The following ELK4 variants were observed in gnomAD, a reference collection of about 807,000 sequenced individuals.
ELK4 encodes the protein ETS transcription factor ELK4.
ELK4 carries 16 observed loss-of-function variants against 29.6 expected under a neutral mutation model. The observed-to-expected ratio is 0.54, with a 90% CI of 0.37 to 0.82. The LOEUF (loss-of-function observed/expected upper bound fraction) is 0.82, where lower values mean the gene tolerates loss of function less well. Among genes scored for constraint, ELK4 ranks in the 40% least tolerant of loss-of-function variants. ELK4 has a pLI of 0.00. For missense variants in ELK4, 465 were observed against 507.1 expected (o/e 0.92, Z 0.80); for synonymous variants, 213 against 191.1 (o/e 1.11, Z -0.95).
intron 3 of ELK4, 178 bp from the exon 4 acceptor site, chr1:205,619,251 A>G: frequency 9.4e-7 from 1 of 1,069,096 alleles, no homozygotes; most frequent in Non-Finnish European, 1.2e-6. Context: ...AAGAGGGATA[A>G]AGGTGATAAT....
At chr1:205,626,001 C>T (rs1170634318) in intron 1 of ELK4, 6 of 1,394,674 alleles carry the variant, frequency 4.3e-6, no homozygotes, top group East Asian at 2.3e-5. Context: ...GATCCAGAAG[C>T]GAATTCATCT....
Position 205,620,803 on chromosome 1 carries a change from C to T in ELK4, c.243G>A (p.Val81=). Residue 81 remains valine, a synonymous_variant, in exon 3 of 5, where the codon GTG becomes GTA. Coordinates refer to ENST00000357992, the MANE Select transcript of ELK4 (RefSeq NM_001973.4). ...IIKKVNGQKF[V]YKFVSYPEIL... is the part of the protein sequence containing the mutation. ...TCTCTGGATAAGAGACAAACTTGTACACAAACTTCTGACCATTCACTTTTT... is the reference window on the plus strand; with the variant it reads ...TCTCTGGATAAGAGACAAACTTGTATACAAACTTCTGACCATTCACTTTTT... The T allele has an allele frequency of 6.2e-7, 1 of 1,612,848 alleles. No homozygotes were observed. Among genetic ancestry groups the T allele is most frequent in the Non-Finnish European group, 8.5e-7 (1 of 1,179,844 alleles).
intron 4 of ELK4, among the ~76,000 whole-genome samples, chr1:205,617,181 C>T (rs1262400113): frequency 2.0e-5 from 3 of 152,102 alleles, no homozygotes; most frequent in Non-Finnish European, 1.5e-5. Flanking sequence ...CAATTATCTG[C>T]TCATGTGTGG....
At chr1:205,630,038 C>G (rs993852647) in intron 1 of ELK4, among the ~76,000 whole-genome samples, 1 of 149,906 alleles carries the variant, frequency 6.7e-6, no homozygotes, top group Non-Finnish European at 1.5e-5. Context: ...TTGTCTCTAA[C>G]AAAAACAAAA....
chr1:205,614,845 G>C lies in ELK4; in HGVS notation c.*1701C>G, dbSNP rs1483386658. 1 of 227,290 alleles carries C rather than the reference G, an allele frequency of 4.4e-6. No homozygotes were observed. Among genetic ancestry groups the C allele is most frequent in the Non-Finnish European group, 8.7e-6 (1 of 114,384 alleles). 14.1% of individuals were successfully genotyped at this position (227,290 alleles called of 1,614,324 possible). On this transcript the variant is annotated 3_prime_UTR_variant, in exon 5 of 5. Coordinates refer to ENST00000357992, the MANE Select transcript of ELK4 (RefSeq NM_001973.4). ...AGTTTAACCGGTGGGAGAGATTGGT[G>C]GGGGAGGGTGGTAGTGGTGGTGAAT...
rs1371799503 is a variant in ELK4, at chr1:205,611,890, G to A, written c.*4656C>T. On this transcript the variant is annotated 3_prime_UTR_variant, in exon 5 of 5. Transcript: ENST00000357992. ...AAACAGAACAGACCTATAAAGAAAA[G>A]TATTCCTTTAGTTGCTGAAATATCA... 1.6e-5 allele frequency: 3 copies of A among 187,930 alleles called. No homozygotes were observed. 11.6% of individuals were successfully genotyped at this position (187,930 alleles called of 1,614,324 possible).
intron 1 of ELK4, among the ~76,000 whole-genome samples, 178 bp downstream of exon 1, chr1:205,631,454 C>CT: frequency 6.6e-6 from 1 of 151,420 alleles, no homozygotes; most frequent in East Asian, 1.9e-4. Context: ...CGGCGTCCAC[C>CT]TGTGCGCCGC....
chr1:205,613,268 G>A lies in ELK4; in HGVS notation c.*3278C>T, dbSNP rs750882203. The A allele has an allele frequency of 8.2e-5, 16 of 195,970 alleles. No homozygotes were observed. The highest frequency in any genetic ancestry group is 1.4e-4 in the Non-Finnish European group (13 of 94,450). The allele number at this position is 195,970 out of a possible 1,614,324, so 12.1% of individuals were successfully genotyped here. A position where few individuals can be genotyped will look rare whatever the true frequency, so the allele number is the denominator to read the frequency against. On this transcript the variant is annotated 3_prime_UTR_variant, in exon 5 of 5. Transcript: ENST00000357992. ...GAGGATCACTTGAGCCCGGGAGTTT[G>A]AGTCCACCCTGGGTAACACACCAAG... is the stretch of plus-strand genomic sequence containing the variant.
Position 205,614,485 on chromosome 1 carries a change from AAT to A in ELK4, c.*2059_*2060del. On this transcript the variant is annotated 3_prime_UTR_variant, in exon 5 of 5. Transcript: ENST00000357992. ...TAATTTAATATGGAAAAAAAAGTCC[AAT>A]ATGTCTGTTCCCCATCACTATTAAA... The A allele has an allele frequency of 4.4e-6, 1 of 228,528 alleles. No homozygotes were observed. The highest frequency in any genetic ancestry group is 2.2e-5 in the African/African-American group (1 of 45,192). 14.2% of individuals were successfully genotyped at this position (228,528 alleles called of 1,614,324 possible). A position where few individuals can be genotyped will look rare whatever the true frequency, so the allele number is the denominator to read the frequency against.
intron 2 of ELK4, among the ~76,000 whole-genome samples, chr1:205,622,390 G>A (rs1472195061): frequency 1.3e-5 from 2 of 152,204 alleles, no homozygotes; most frequent in Non-Finnish European, 2.9e-5. Context: ...ATATGTGTGT[G>A]TGTATATGTA....
At position 205,629,170 on chromosome 1, in the gene ELK4, C is replaced by CAAAAAAAAAA. The variant is rs61374496; in HGVS notation, c.-10+2452_-10+2461dup. On this transcript the variant is annotated intron_variant, in intron 1 of 4. Coordinates refer to ENST00000357992, the MANE Select transcript of ELK4 (RefSeq NM_001973.4). ...TGGGCAACAGAGCAAGACTACGTCT[C>CAAAAAAAAAA]AAAAAAAAAAAAAAAAAAGAAAAGA... Among the ~76,000 whole-genome samples the CAAAAAAAAAA allele has an allele frequency of 2.9e-3, 268 of 92,224 alleles. 9 individuals carry two copies. The highest frequency in any genetic ancestry group is 0.011 in the African/African-American group (244 of 21,942). 60.5% of individuals were successfully genotyped at this position (92,224 alleles called of 152,430 possible).
chr1:205,619,598 AT>A, intron 3 of ELK4: 7 of 1,232,888 alleles, frequency 5.7e-6, no homozygotes, highest in Non-Finnish European at 7.1e-6. Flanking sequence ...CATTTTTCTT[AT>A]GGTTCTCAGG....
chr1:205,620,870 T>C (rs1194055675), intron 2 of ELK4, 32 bp from the exon 3 acceptor site: 24 of 1,564,766 alleles, frequency 1.5e-5, no homozygotes, highest in African/African-American at 4.1e-5. Flanking sequence ...ATTTTTATCC[T>C]TTCTTATAAA....
At chr1:205,623,653 T>A in intron 2 of ELK4, 23 bp downstream of exon 2, 2 of 1,612,272 alleles carry the variant, frequency 1.2e-6, no homozygotes, top group East Asian at 4.5e-5. Context: ...CTCTGTATAG[T>A]ATAAGATCAG....
chr1:205,618,901 C>A, intron 4 of ELK4, 56 bp downstream of exon 4: 1 of 1,341,184 alleles, frequency 7.5e-7, no homozygotes, highest in African/African-American at 1.5e-5. Flanking sequence ...TGCCTTTTTG[C>A]CTCTTTCTTC....
At chr1:205,621,786 TGG>T (rs1670354550) in intron 2 of ELK4, among the ~76,000 whole-genome samples, 1 of 151,966 alleles carries the variant, frequency 6.6e-6, no homozygotes, top group African/African-American at 2.4e-5. Context: ...CCCAAAGTGT[TGG>T]GATTACAGGC....
Position 205,620,738 on chromosome 1 carries a change from C to A in ELK4, c.308G>T (p.Gly103Val), listed in dbSNP as rs1670324837. ...ACTGAAGTTTAAACTTTCACAGTCA[C>A]CCTCAATCCTGCCCACTGTCATTGG... ...MDPMTVGRIE[G>V]DCESLNFSEV... The change falls in exon 3 of 5, where the codon GGT becomes GTT. Residue 103 changes from glycine to valine, a missense_variant. Gly to Val is a moderately radical substitution (Grantham distance 109). Coordinates refer to ENST00000357992, the MANE Select transcript of ELK4 (RefSeq NM_001973.4). The A allele has an allele frequency of 6.2e-7, 1 of 1,613,970 alleles. No homozygotes were observed. The highest frequency in any genetic ancestry group is 1.1e-5 in the South Asian group (1 of 91,076).
rs1316861861 is a variant in ELK4, at chr1:205,609,752, AATCT to A, written c.*6790_*6793del. On this transcript the variant is annotated 3_prime_UTR_variant, in exon 5 of 5. Transcript: ENST00000357992. ...TTGGATACTTTATAAATTTAAGTGT[AATCT>A]ATCAATTGCAAATTATTTTTAAAAA... 1.4e-5 allele frequency: 3 copies of A among 208,836 alleles called. No homozygotes were observed. Among genetic ancestry groups the A allele is most frequent in the Non-Finnish European group, 2.9e-5 (3 of 102,650 alleles). The allele number at this position is 208,836 out of a possible 1,614,324, so 12.9% of individuals were successfully genotyped here. A position where few individuals can be genotyped will look rare whatever the true frequency, so the allele number is the denominator to read the frequency against.
Position 205,616,178 on chromosome 1 carries a change from C to T in ELK4, c.*368G>A. 3.9e-6 allele frequency: 1 copy of T among 254,940 alleles called. No individual in the cohort carries two copies. The highest frequency in any genetic ancestry group is 2.2e-5 in the African/African-American group (1 of 46,160). 15.8% of individuals were successfully genotyped at this position (254,940 alleles called of 1,614,324 possible). A position where few individuals can be genotyped will look rare whatever the true frequency, so the allele number is the denominator to read the frequency against. ...TTTCCTGGCCAAAGGGTCCCAATAGCCAGAAGGAGTAACTTTGTTCTTAAT... is the reference window on the plus strand; with the variant it reads ...TTTCCTGGCCAAAGGGTCCCAATAGTCAGAAGGAGTAACTTTGTTCTTAAT... On this transcript the variant is annotated 3_prime_UTR_variant, in exon 5 of 5. Transcript: ENST00000357992.
Sources: allele counts gnomAD v4.1 joint callset (sites outside exome capture counted in the v4.1 genomes callset), GRCh38; gene constraint gnomAD v4.1.1; transcripts MANE v1.5; gene names NCBI Gene and HGNC (gene_info 2026-07-23, HGNC 2026-07-21).